GABRA2: variants seen among roughly 807,000 people sequenced by gnomAD.
The protein encoded by GABRA2 is gamma-aminobutyric acid type A receptor subunit alpha2, also known as gamma-aminobutyric acid receptor subunit alpha-2.
A neutral mutation model predicts 48.7 loss-of-function variants in GABRA2; 16 were observed. That is an observed-to-expected ratio of 0.33 (90% CI 0.22 to 0.50). The LOEUF (loss-of-function observed/expected upper bound fraction) is 0.50. Among genes scored for constraint, GABRA2 ranks in the 20% least tolerant of loss-of-function variants. The pLI, the probability that GABRA2 is intolerant of heterozygous loss-of-function variation, is 0.98. For synonymous variants in GABRA2, 185 were observed against 184.5 expected (o/e 1.00, Z -0.02); for missense variants, 275 against 535.6 (o/e 0.51, Z 4.80).
intron 8 of GABRA2, among the ~76,000 whole-genome samples, chr4:46,266,285 A>G (rs935928004): frequency 6.8e-6 from 1 of 148,056 alleles, no homozygotes; most frequent in Non-Finnish European, 1.5e-5. Flanking sequence ...ATAAGATAGT[A>G]AACAAATTAT....
chr4:46,324,273 A>G (rs1729948630), intron 4 of GABRA2, among the ~76,000 whole-genome samples: 1 of 151,972 alleles, frequency 6.6e-6, no homozygotes, highest in African/African-American at 2.4e-5. Context: ...GTATTCTTAA[A>G]GTCACAATTT....
At chr4:46,323,321 C>T (rs1305652918) in intron 4 of GABRA2, among the ~76,000 whole-genome samples, 1 of 151,898 alleles carries the variant, frequency 6.6e-6, no homozygotes, top group Non-Finnish European at 1.5e-5. Flanking sequence ...TTTTACTAAA[C>T]TCAACAAGCT....
chr4:46,324,560 GT>G (rs958795549), intron 4 of GABRA2, among the ~76,000 whole-genome samples: 16 of 149,044 alleles, frequency 1.1e-4, no homozygotes, highest in East Asian at 4.0e-4. Flanking sequence ...TTATTATTTA[GT>G]TTTTTTTTTC....
intron 3 of GABRA2, among the ~76,000 whole-genome samples, chr4:46,382,313 C>T (rs1274973100): frequency 1.3e-5 from 2 of 151,764 alleles, no homozygotes; most frequent in African/African-American, 4.8e-5. Flanking sequence ...CAGGGTTGAC[C>T]TCGTTGAGAA....
chr4:46,283,833 C>T (rs1721999957), intron 8 of GABRA2, among the ~76,000 whole-genome samples: 1 of 152,186 alleles, frequency 6.6e-6, no homozygotes, highest in Admixed American at 6.5e-5. Context: ...GATCTCGGCT[C>T]ACTGCCAGCT....
intron 8 of GABRA2, among the ~76,000 whole-genome samples, chr4:46,280,891 G>A (rs1310876248): frequency 2.0e-5 from 3 of 152,078 alleles, no homozygotes; most frequent in African/African-American, 7.2e-5. Flanking sequence ...CATAGACTAA[G>A]GAAAGGCCAT....
chr4:46,376,516 C>T (rs888602224), intron 3 of GABRA2, among the ~76,000 whole-genome samples: 17 of 152,190 alleles, frequency 1.1e-4, no homozygotes, highest in African/African-American at 2.9e-4. Context: ...TTCACAACAG[C>T]GATGGTTGAA....
chr4:46,317,058 T>C (rs535821450), intron 4 of GABRA2, among the ~76,000 whole-genome samples: 6 of 151,976 alleles, frequency 3.9e-5, no homozygotes, highest in Admixed American at 6.6e-5. Flanking sequence ...AATGTGGCTA[T>C]AGGAAGGGGT....
Position 46,386,146 on chromosome 4 carries a change from T to C in GABRA2, c.115A>G (p.Ile39Val), listed in dbSNP as rs1361612535. 6.2e-7 allele frequency: 1 copy of C among 1,611,428 alleles called. No individual in the cohort carries two copies. Among genetic ancestry groups the C allele is most frequent in the African/African-American group, 1.3e-5 (1 of 74,870 alleles). ...TCAAGAATTCTCGTAAAGATGGTAA[T>C]GTTATTTTTAGCCTCATCTTCTTGG... Reference protein sequence around the residue: ...NIQEDEAKNNITIFTRILDRL... With the variant: ...NIQEDEAKNNVTIFTRILDRL... Residue 39 changes from isoleucine to valine, a missense_variant, in exon 3 of 10, where the codon ATT becomes GTT. By Grantham distance (29) the Ile-to-Val change is conservative. Transcript: ENST00000381620.
rs565131008 is a variant in GABRA2, at chr4:46,315,256, T to G, written c.256-2540A>C. Among the ~76,000 whole-genome samples, 224 of 152,130 alleles carry G rather than the reference T, an allele frequency of 1.5e-3. 1 individual carries two copies. Among genetic ancestry groups the G allele is most frequent in the Middle Eastern group, 3.4e-3 (1 of 294 alleles). Reference sequence around the variant, plus strand: ...ATTGGTGATGTGAAGCATTTTTTCATCTGTTTGTTGGCTGCTTGTATGTCT... The same window carrying G: ...ATTGGTGATGTGAAGCATTTTTTCAGCTGTTTGTTGGCTGCTTGTATGTCT... On this transcript the variant is annotated intron_variant, in intron 4 of 9. Coordinates refer to ENST00000381620, the MANE Select transcript of GABRA2 (RefSeq NM_000807.4).
chr4:46,303,108 G>C (rs1310717032), intron 8 of GABRA2: 5 of 219,486 alleles, frequency 2.3e-5, no homozygotes, highest in Non-Finnish European at 3.6e-5. Context: ...ATACATAGTA[G>C]GTGTTTGATC....
intron 3 of GABRA2, among the ~76,000 whole-genome samples, chr4:46,346,970 A>G (rs896031428): frequency 6.6e-6 from 1 of 151,986 alleles, no homozygotes; most frequent in South Asian, 2.1e-4. Context: ...TAGCATTTCT[A>G]TATACTAACA....
intron 8 of GABRA2, among the ~76,000 whole-genome samples, chr4:46,262,988 G>A (rs1040183754): frequency 4.7e-5 from 7 of 148,512 alleles, no homozygotes; most frequent in Middle Eastern, 3.4e-3. Flanking sequence ...GGGAGGGAGG[G>A]AGGGAGAGAG....
At chr4:46,370,612 C>T (rs558359381) in intron 3 of GABRA2, among the ~76,000 whole-genome samples, 1 of 152,214 alleles carries the variant, frequency 6.6e-6, no homozygotes, top group South Asian at 2.1e-4. Flanking sequence ...TTACACCAGT[C>T]ACTTCCTAAT....
chr4:46,334,445 C>T (rs984368391), intron 3 of GABRA2, among the ~76,000 whole-genome samples: 2 of 152,052 alleles, frequency 1.3e-5, no homozygotes, highest in East Asian at 3.9e-4. Context: ...TTTGTTATAG[C>T]TGTTGACCTA....
intron 3 of GABRA2, among the ~76,000 whole-genome samples, chr4:46,378,791 G>A (rs2109346112): frequency 6.6e-6 from 1 of 151,360 alleles, no homozygotes; most frequent in East Asian, 2.0e-4. Flanking sequence ...TGAGTCCACT[G>A]TATTCCAGCC....
chr4:46,286,013 A>G (rs1722481712), intron 8 of GABRA2, among the ~76,000 whole-genome samples: 1 of 152,090 alleles, frequency 6.6e-6, no homozygotes, highest in Non-Finnish European at 1.5e-5. Flanking sequence ...CCATTTATCC[A>G]TTCACAGTGT....
At chr4:46,275,739 T>G (rs1720360173) in intron 8 of GABRA2, among the ~76,000 whole-genome samples, 1 of 152,136 alleles carries the variant, frequency 6.6e-6, no homozygotes, top group South Asian at 2.1e-4. Flanking sequence ...ATGTTAATAG[T>G]TTTAATGATT....
intron 8 of GABRA2, among the ~76,000 whole-genome samples, chr4:46,296,583 A>G (rs1724730271): frequency 6.6e-6 from 1 of 151,726 alleles, no homozygotes; most frequent in Non-Finnish European, 1.5e-5. Flanking sequence ...ATGGGAAATT[A>G]TAACAACCCA....
Sources: allele counts gnomAD v4.1 joint callset (sites outside exome capture counted in the v4.1 genomes callset), GRCh38; gene constraint gnomAD v4.1.1; transcripts MANE v1.5; gene names NCBI Gene and HGNC (gene_info 2026-07-23, HGNC 2026-07-21).